KCNMB2: variants seen among roughly 807,000 people sequenced by gnomAD.
The protein encoded by KCNMB2 is calcium-activated potassium channel subunit beta-2.
KCNMB2 carries 9 observed loss-of-function variants against 24.5 expected under a neutral mutation model. The ratio of observed to expected loss-of-function variants is 0.37; its 90% CI spans 0.22 to 0.64. The LOEUF (loss-of-function observed/expected upper bound fraction) is 0.64, where lower values mean the gene tolerates loss of function less well. Among genes scored for constraint, KCNMB2 ranks in the 30% least tolerant of loss-of-function variants. The pLI is 0.63. For missense variants in KCNMB2, 226 were observed against 284.3 expected (o/e 0.79, Z 1.47); for synonymous variants, 109 against 104.4 (o/e 1.04, Z -0.27).
intron 1 of KCNMB2, among the ~76,000 whole-genome samples, chr3:178,705,918 T>C (rs769038657): frequency 1.3e-5 from 2 of 152,108 alleles, no homozygotes; most frequent in Non-Finnish European, 2.9e-5. Flanking sequence ...AACATAGACA[T>C]AGAAGCGGAG....
intron 1 of KCNMB2, among the ~76,000 whole-genome samples, chr3:178,575,149 A>G (rs1207265845): frequency 1.3e-5 from 2 of 152,204 alleles, no homozygotes; most frequent in African/African-American, 4.8e-5. Context: ...GTGAGAAAAT[A>G]AACAAGATAA....
intron 1 of KCNMB2, among the ~76,000 whole-genome samples, chr3:178,550,405 C>T (rs1409195405): frequency 7.3e-6 from 1 of 137,404 alleles, no homozygotes; most frequent in Non-Finnish European, 1.5e-5. Context: ...TTGCAGTGAG[C>T]CAAGATAGCG....
At chr3:178,796,193 G>A (rs1170249439) in intron 1 of KCNMB2, among the ~76,000 whole-genome samples, 2 of 152,112 alleles carry the variant, frequency 1.3e-5, no homozygotes, top group African/African-American at 2.4e-5. Context: ...TAATGATAAA[G>A]GGGTTAATTC....
intron 1 of KCNMB2, among the ~76,000 whole-genome samples, chr3:178,770,921 A>G (rs899692724): frequency 6.6e-6 from 1 of 152,210 alleles, no homozygotes; most frequent in African/African-American, 2.4e-5. Flanking sequence ...TCTTGTTGGT[A>G]TCAGGATTAA....
chr3:178,573,362 T>C (rs1310171897), intron 1 of KCNMB2, among the ~76,000 whole-genome samples: 1 of 151,978 alleles, frequency 6.6e-6, no homozygotes, highest in Admixed American at 6.6e-5. Context: ...TCTAAATCAG[T>C]AGTATAGATA....
intron 1 of KCNMB2, among the ~76,000 whole-genome samples, chr3:178,616,305 C>T (rs1372041463): frequency 2.0e-5 from 3 of 152,220 alleles, no homozygotes; most frequent in Non-Finnish European, 4.4e-5. Context: ...ATATAGAGTG[C>T]TGTAGCCCTC....
chr3:178,665,332 T>C (rs1720680860), intron 1 of KCNMB2, among the ~76,000 whole-genome samples: 1 of 152,144 alleles, frequency 6.6e-6, no homozygotes, highest in Non-Finnish European at 1.5e-5. Flanking sequence ...TATAATTTTG[T>C]TTTCTTTTAG....
chr3:178,757,790 ATAT>A lies in KCNMB2; in HGVS notation c.-67-49552_-67-49550del, dbSNP rs1198362552. ...TATATCCAAGAGGATATATATACAT[ATAT>A]CTTATATCCATCCAAGAGGATATAT... On this transcript the variant is annotated intron_variant, in intron 1 of 4. Coordinates refer to ENST00000452583, the MANE Select transcript of KCNMB2 (RefSeq NM_181361.3). Among the ~76,000 whole-genome samples the A allele has an allele frequency of 2.1e-4, 21 of 99,846 alleles. 3 individuals carry two copies. The highest frequency in any genetic ancestry group is 3.1e-4 in the Non-Finnish European group (15 of 48,374). The allele number at this position is 99,846 out of a possible 152,430, so 65.5% of individuals were successfully genotyped here. A position where few individuals can be genotyped will look rare whatever the true frequency, so the allele number is the denominator to read the frequency against.
chr3:178,645,354 A>T (rs1018869171), intron 1 of KCNMB2, among the ~76,000 whole-genome samples: 2 of 152,120 alleles, frequency 1.3e-5, no homozygotes, highest in South Asian at 2.1e-4. Flanking sequence ...CCAGCCTAAG[A>T]TCCAAGATTC....
intron 1 of KCNMB2, among the ~76,000 whole-genome samples, chr3:178,609,142 C>T (rs1005000703): frequency 2.6e-5 from 4 of 152,168 alleles, no homozygotes; most frequent in African/African-American, 7.2e-5. Context: ...TCCACATCCT[C>T]GCCAGCATTT....
chr3:178,825,615 T>C lies in KCNMB2; in HGVS notation c.84T>C (p.His28=), dbSNP rs750186029. The C allele has an allele frequency of 1.2e-5, 19 of 1,613,598 alleles. No individual in the cohort carries two copies. Among genetic ancestry groups the C allele is most frequent in the East Asian group, 4.5e-5 (2 of 44,874 alleles). Residue 28 remains histidine, a synonymous_variant, in exon 3 of 5, where the codon CAT becomes CAC. Transcript: ENST00000452583. ...ATATTTACCAGAAAATCAGGGACCA[T>C]GACCTCCTGGACAAAAGGAAAACAG... ...KRNIYQKIRD[H]DLLDKRKTVT...
intron 1 of KCNMB2, among the ~76,000 whole-genome samples, chr3:178,581,707 A>T (rs1323940387): frequency 6.6e-6 from 1 of 152,188 alleles, no homozygotes; most frequent in Non-Finnish European, 1.5e-5. Context: ...GTGGGCAAAG[A>T]ATATAAACAG....
chr3:178,763,133 C>G (rs1301122400), intron 1 of KCNMB2, among the ~76,000 whole-genome samples: 1 of 152,056 alleles, frequency 6.6e-6, no homozygotes, highest in Non-Finnish European at 1.5e-5. Flanking sequence ...AAACTGAAAA[C>G]TGTGGGAGGT....
intron 1 of KCNMB2, among the ~76,000 whole-genome samples, chr3:178,594,508 T>A (rs1046338556): frequency 6.6e-6 from 1 of 151,952 alleles, no homozygotes; most frequent in Non-Finnish European, 1.5e-5. Flanking sequence ...ATGTTTGGGG[T>A]CAAAGGAATT....
At chr3:178,677,263 C>T (rs965962060) in intron 1 of KCNMB2, among the ~76,000 whole-genome samples, 5 of 152,166 alleles carry the variant, frequency 3.3e-5, no homozygotes, top group African/African-American at 7.2e-5. Context: ...TCCTCCTAAC[C>T]TCTACATATT....
At chr3:178,716,698 C>T (rs962072782) in intron 1 of KCNMB2, among the ~76,000 whole-genome samples, 1 of 152,134 alleles carries the variant, frequency 6.6e-6, no homozygotes, top group Non-Finnish European at 1.5e-5. Context: ...CCACTTCGGC[C>T]TCTCAAAGTG....
intron 1 of KCNMB2, among the ~76,000 whole-genome samples, chr3:178,788,855 C>T (rs1307476653): frequency 6.6e-6 from 1 of 152,164 alleles, no homozygotes; most frequent in Non-Finnish European, 1.5e-5. Flanking sequence ...GTCCTCTAGA[C>T]CAAAGTTCTA....
At chr3:178,836,457 A>G (rs9817191) in intron 4 of KCNMB2, among the ~76,000 whole-genome samples, 97,922 of 151,964 alleles carry the variant, frequency 0.64, 33,465 homozygotes, top group African/African-American at 0.87. Context: ...AGGAAAGAGC[A>G]TGATCATGGG....
intron 1 of KCNMB2, among the ~76,000 whole-genome samples, chr3:178,602,574 G>C (rs570564868): frequency 1.0e-4 from 12 of 118,770 alleles, no homozygotes; most frequent in East Asian, 2.1e-4. Flanking sequence ...GTTCGGGGGT[G>C]GGGGGGAGGA....
Sources: gnomAD v4.1 joint callset for allele counts (sites outside exome capture counted in the v4.1 genomes callset) on GRCh38, gnomAD v4.1.1 for gene constraint, MANE v1.5 for transcripts, NCBI Gene and HGNC (gene_info 2026-07-23, HGNC 2026-07-21) for gene names.